The following PHF14 variants were observed in gnomAD, a reference collection of about 807,000 sequenced individuals.
PHF14 encodes the protein PHD finger protein 14.
A neutral mutation model predicts 117.9 loss-of-function variants in PHF14; 55 were observed. The observed-to-expected ratio is 0.47, with a 90% CI of 0.38 to 0.58. The LOEUF is 0.58. PHF14 is among the 20% of genes least tolerant of loss of function. The pLI, the probability that PHF14 is intolerant of heterozygous loss-of-function variation, is 0.00. For missense variants in PHF14, 978 were observed against 1,122.2 expected (o/e 0.87, Z 1.84); for synonymous variants, 409 against 368.6 (o/e 1.11, Z -1.26).
intron 16 of PHF14, among the ~76,000 whole-genome samples, chr7:11,074,771 C>G (rs1425775946): frequency 6.6e-6 from 1 of 152,098 alleles, no homozygotes; most frequent in Non-Finnish European, 1.5e-5. Flanking sequence ...CCTCATCAGT[C>G]TGGCCTTTGG....
intron 2 of PHF14, among the ~76,000 whole-genome samples, chr7:10,978,597 T>TTAAC (rs1213901672): frequency 1.3e-5 from 2 of 152,042 alleles, no homozygotes; most frequent in Non-Finnish European, 2.9e-5. Context: ...TACGAGTTAA[T>TTAAC]GGTTTCTCAA....
chr7:11,126,714 G>A (rs1787938376), intron 17 of PHF14, among the ~76,000 whole-genome samples: 1 of 149,758 alleles, frequency 6.7e-6, no homozygotes, highest in South Asian at 2.1e-4. Flanking sequence ...AGATAGCAAT[G>A]TCCCTAATAG....
intron 4 of PHF14, among the ~76,000 whole-genome samples, chr7:11,009,483 G>A (rs1783260157): frequency 6.7e-6 from 1 of 148,386 alleles, no homozygotes. Context: ...AACACACTGA[G>A]CACATATGAG....
chr7:11,146,587 A>G lies in PHF14; in HGVS notation c.2773-22829A>G, dbSNP rs1231830774. Among the ~76,000 whole-genome samples the G allele has an allele frequency of 2.0e-5, 3 of 152,324 alleles. 1 individual carries two copies. Among genetic ancestry groups the G allele is most frequent in the East Asian group, 1.9e-4 (1 of 5,186 alleles). On this transcript the variant is annotated intron_variant, in intron 17 of 17. Coordinates refer to ENST00000634607, the MANE Select transcript of PHF14 (RefSeq NM_001007157.2). ...ATAATTCTTAGGACACTAAATTGAA[A>G]TTGAGAGATTTGAATTTGAGTATCT...
intron 6 of PHF14, among the ~76,000 whole-genome samples, chr7:11,025,347 T>G (rs1217847078): frequency 6.6e-6 from 1 of 152,188 alleles, no homozygotes; most frequent in African/African-American, 2.4e-5. Context: ...TAAACTTGAT[T>G]GATTAAGCAG....
intron 12 of PHF14, among the ~76,000 whole-genome samples, chr7:11,041,017 C>T (rs113041968): frequency 0.012 from 1,868 of 151,850 alleles, 29 homozygotes; most frequent in African/African-American, 0.043. Flanking sequence ...TGGAAAATTA[C>T]TTTAGATAAC....
intron 16 of PHF14, among the ~76,000 whole-genome samples, chr7:11,083,948 C>A (rs903556263): frequency 1.8e-4 from 28 of 152,064 alleles, no homozygotes; most frequent in Non-Finnish European, 7.4e-5. Flanking sequence ...CCGTCTGGGG[C>A]AATAGGTAGA....
At chr7:11,051,387 T>C (rs1259067022) in intron 13 of PHF14, among the ~76,000 whole-genome samples, 2 of 152,180 alleles carry the variant, frequency 1.3e-5, no homozygotes, top group African/African-American at 4.8e-5. Context: ...AAATGTGTTC[T>C]TATACTTACA....
chr7:11,131,818 A>C (rs529589907), intron 17 of PHF14, among the ~76,000 whole-genome samples: 1 of 151,664 alleles, frequency 6.6e-6, no homozygotes, highest in South Asian at 2.1e-4. Context: ...ACCTGTGCCT[A>C]CGTTCTCTCT....
chr7:11,145,523 TTATAA>T (rs1314059675), intron 17 of PHF14, among the ~76,000 whole-genome samples: 6 of 152,130 alleles, frequency 3.9e-5, no homozygotes, highest in East Asian at 1.9e-4. Flanking sequence ...TTCTTAATTC[TTATAA>T]TATAAAGGTG....
chr7:11,018,912 C>G (rs1051918837), intron 5 of PHF14, among the ~76,000 whole-genome samples: 1 of 152,014 alleles, frequency 6.6e-6, no homozygotes. Context: ...TGAGGTATGT[C>G]TTTCTATCCC....
intron 16 of PHF14, among the ~76,000 whole-genome samples, chr7:11,069,080 T>G (rs1785521244): frequency 6.6e-6 from 1 of 152,124 alleles, no homozygotes; most frequent in African/African-American, 2.4e-5. Flanking sequence ...TAACAAAACT[T>G]TATTTTCTTA....
At chr7:10,981,307 G>A (rs763862250) in intron 2 of PHF14, among the ~76,000 whole-genome samples, 2 of 152,094 alleles carry the variant, frequency 1.3e-5, no homozygotes, top group Non-Finnish European at 2.9e-5. Context: ...GGATTTTACT[G>A]GCTAAGACTT....
chr7:11,100,904 C>T lies in PHF14; in HGVS notation c.2655-10446C>T, dbSNP rs193293513. Among the ~76,000 whole-genome samples, 5 of 152,090 alleles carry T rather than the reference C, an allele frequency of 3.3e-5. No homozygotes were observed. The East Asian group carries it at 7.7e-4, about 23-fold the overall frequency. ...GGGACAAAAAAAGTAGATACTTCCT[C>T]TTAACAGGCAATTCTAACTATATAA... is the stretch of plus-strand genomic sequence containing the variant. On this transcript the variant is annotated intron_variant, in intron 16 of 17. Transcript: ENST00000634607.
chr7:11,072,808 G>A (rs1785667228), intron 16 of PHF14, among the ~76,000 whole-genome samples: 1 of 152,156 alleles, frequency 6.6e-6, no homozygotes, highest in Non-Finnish European at 1.5e-5. Flanking sequence ...TGAGGTCTCA[G>A]GAAACTTACA....
chr7:11,035,201 T>C (rs1202628715), intron 7 of PHF14, among the ~76,000 whole-genome samples: 1 of 152,018 alleles, frequency 6.6e-6, no homozygotes, highest in African/African-American at 2.4e-5. Context: ...TATTAGGTAT[T>C]ATAAGTAATG....
At position 11,130,048 on chromosome 7, in the gene PHF14, TCTC is replaced by T. The variant is rs1291111567; in HGVS notation, c.2772+18582_2772+18584del. Among the ~76,000 whole-genome samples the T allele has an allele frequency of 1.3e-5, 2 of 152,068 alleles. No homozygotes were observed. The highest frequency in any genetic ancestry group is 2.9e-5 in the Non-Finnish European group (2 of 67,982). Reference sequence around the variant, plus strand: ...TTTAGTTGATTAATATAAGTTGATTTCTCATTCATGTAACGTATCAGTACAGGT... The same window carrying T: ...TTTAGTTGATTAATATAAGTTGATTTATTCATGTAACGTATCAGTACAGGT... On this transcript the variant is annotated intron_variant, in intron 17 of 17. Transcript: ENST00000634607. This position sits in a 1 kb window ranked among gnomAD's most constrained non-coding sequence, Gnocchi z 4.2.
intron 4 of PHF14, among the ~76,000 whole-genome samples, chr7:10,998,947 T>G (rs1337269687): frequency 3.9e-5 from 6 of 152,222 alleles, no homozygotes; most frequent in African/African-American, 1.4e-4. Flanking sequence ...CACAGTAGTT[T>G]TGAGTAATTG....
chr7:11,124,676 T>C (rs1326514221), intron 17 of PHF14, among the ~76,000 whole-genome samples: 1 of 152,096 alleles, frequency 6.6e-6, no homozygotes, highest in Non-Finnish European at 1.5e-5. Flanking sequence ...ATAAGTGATA[T>C]AACAGTAATT....
Sources: gnomAD v4.1 joint callset for allele counts (sites outside exome capture counted in the v4.1 genomes callset) on GRCh38, gnomAD v4.1.1 for gene constraint, Gnocchi (gnomAD v3.1) non-coding constraint, MANE v1.5 for transcripts, NCBI Gene and HGNC (gene_info 2026-07-23, HGNC 2026-07-21) for gene names.